Variants in KCNIP4 observed in about 807,000 individuals in gnomAD.
KCNIP4 encodes potassium voltage-gated channel interacting protein 4.
Under a neutral mutation model 34.0 loss-of-function variants are expected in KCNIP4, and 12 were observed. The observed-to-expected ratio is 0.35, with a 90% CI of 0.23 to 0.57. The LOEUF (loss-of-function observed/expected upper bound fraction) is 0.57, where lower values mean the gene tolerates loss of function less well. Among genes scored for constraint, KCNIP4 ranks in the 20% least tolerant of loss-of-function variants. The probability of loss-of-function intolerance (pLI) is 0.83; values close to 1 mark genes in which losing one functional copy is unlikely to be tolerated. For missense variants in KCNIP4, 238 were observed against 311.7 expected, an observed-to-expected ratio of 0.76 and a Z score of 1.78; for synonymous variants, 124 against 102.2, an observed-to-expected ratio of 1.21 and a Z score of -1.29.
At chr4:21,630,195 G>C (rs868299289) in intron 1 of KCNIP4, among the ~76,000 whole-genome samples, 1 of 151,470 alleles carries the variant, frequency 6.6e-6, no homozygotes, top group Non-Finnish European at 1.5e-5. Flanking sequence ...CCTTCAGCGC[G>C]GTGGCTCATG....
chr4:20,874,272 T>A (rs1723769934), intron 2 of KCNIP4, among the ~76,000 whole-genome samples: 2 of 152,198 alleles, frequency 1.3e-5, no homozygotes, highest in Non-Finnish European at 2.9e-5. Flanking sequence ...AATAGGCTAA[T>A]CCCAGAGTTA....
chr4:21,382,753 C>A (rs1721633146), intron 1 of KCNIP4, among the ~76,000 whole-genome samples: 2 of 152,084 alleles, frequency 1.3e-5, no homozygotes, highest in Non-Finnish European at 2.9e-5. Context: ...ATCCATGAAA[C>A]AAAATACCAG....
At chr4:21,409,582 A>G (rs1190013382) in intron 1 of KCNIP4, among the ~76,000 whole-genome samples, 1 of 152,216 alleles carries the variant, frequency 6.6e-6, no homozygotes, top group Non-Finnish European at 1.5e-5. Context: ...TAGAAATGTT[A>G]TATTGAAGAC....
chr4:20,973,693 C>G (rs1735203946), intron 1 of KCNIP4, among the ~76,000 whole-genome samples: 2 of 152,136 alleles, frequency 1.3e-5, no homozygotes, highest in African/African-American at 4.8e-5. Context: ...TATGACTCTT[C>G]CCTTTACTTG....
intron 1 of KCNIP4, among the ~76,000 whole-genome samples, chr4:21,050,964 A>G (rs1052862348): frequency 2.6e-5 from 4 of 152,224 alleles, no homozygotes; most frequent in African/African-American, 9.6e-5. Context: ...TTTCAAAAAA[A>G]TGGCTCTGGA....
chr4:21,680,078 G>C (rs1750221204), intron 1 of KCNIP4, among the ~76,000 whole-genome samples: 1 of 152,174 alleles, frequency 6.6e-6, no homozygotes, highest in Non-Finnish European at 1.5e-5. Flanking sequence ...ATCTGATGCT[G>C]TTTGATAACA....
chr4:20,917,694 T>C (rs1728984424), intron 1 of KCNIP4, among the ~76,000 whole-genome samples: 1 of 152,182 alleles, frequency 6.6e-6, no homozygotes, highest in African/African-American at 2.4e-5. Flanking sequence ...AGTAGGTTAC[T>C]CTTGAGAAAC....
rs140525240 is a variant in KCNIP4 at position 21,867,662 on chromosome 4, C to T, written c.61+80909G>A. ...TCCCATAGCACAAGCCACAACCAGG[C>T]CAAAACCTCTACATGGAAAAACGGT... On this transcript the variant is annotated intron_variant, in intron 1 of 8. Transcript: ENST00000382152. Among the ~76,000 whole-genome samples, 994 of 152,238 alleles carry T rather than the reference C, an allele frequency of 6.5e-3. 5 individuals carry two copies. The highest frequency in any genetic ancestry group is 0.017 in the Middle Eastern group (5 of 294).
chr4:21,897,706 C>T (rs181984302), intron 1 of KCNIP4, among the ~76,000 whole-genome samples: 15 of 152,236 alleles, frequency 9.9e-5, no homozygotes, highest in South Asian at 2.1e-4. Context: ...CAGAGAAAGA[C>T]GATCAACTAG....
At chr4:21,449,438 T>A (rs1728320655) in intron 1 of KCNIP4, among the ~76,000 whole-genome samples, 1 of 152,062 alleles carries the variant, frequency 6.6e-6, no homozygotes, top group South Asian at 2.1e-4. Flanking sequence ...CATTAGATAA[T>A]AAGATTTAGG....
intron 1 of KCNIP4, among the ~76,000 whole-genome samples, chr4:21,796,771 A>C (rs1232643008): frequency 2.6e-5 from 4 of 152,224 alleles, no homozygotes; most frequent in Admixed American, 2.6e-4. Flanking sequence ...TGTGACTATG[A>C]AACTGATGCA....
intron 1 of KCNIP4, among the ~76,000 whole-genome samples, chr4:21,209,754 A>C (rs773407532): frequency 1.1e-4 from 16 of 152,260 alleles, no homozygotes; most frequent in Middle Eastern, 3.4e-3. Flanking sequence ...TACAGTGTTG[A>C]GAATATAGTA....
intron 1 of KCNIP4, among the ~76,000 whole-genome samples, chr4:21,340,336 C>G (rs369366668): frequency 2.0e-4 from 30 of 152,122 alleles, no homozygotes; most frequent in African/African-American, 3.1e-4. Context: ...TTTTAAAAAC[C>G]TTGTCAGTAT....
chr4:21,655,907 C>T (rs1747885976), intron 1 of KCNIP4, among the ~76,000 whole-genome samples: 1 of 152,214 alleles, frequency 6.6e-6, no homozygotes, highest in Non-Finnish European at 1.5e-5. Context: ...TGCCACCTTA[C>T]TAGTGGGTAG....
chr4:21,311,412 T>A (rs1713153249), intron 1 of KCNIP4, among the ~76,000 whole-genome samples: 1 of 152,120 alleles, frequency 6.6e-6, no homozygotes, highest in African/African-American at 2.4e-5. Flanking sequence ...TTGTTCTTCT[T>A]AAAAATGATG....
intron 1 of KCNIP4, among the ~76,000 whole-genome samples, chr4:21,811,916 G>T (rs1373865615): frequency 6.6e-6 from 1 of 152,184 alleles, no homozygotes; most frequent in East Asian, 1.9e-4. Context: ...AGTTAATAGT[G>T]GAGGTTGCCT....
chr4:20,816,367 A>T (rs1330486972), intron 3 of KCNIP4, among the ~76,000 whole-genome samples: 4 of 152,100 alleles, frequency 2.6e-5, no homozygotes, highest in African/African-American at 9.7e-5. Context: ...TTAGGGAGAA[A>T]TTGTCTCTTC....
At chr4:21,400,578 C>CTCTTCTCTTCTCTTCTCTTT (rs1491290545) in intron 1 of KCNIP4, among the ~76,000 whole-genome samples, 1 of 78,902 alleles carries the variant, frequency 1.3e-5, no homozygotes, top group African/African-American at 3.8e-5. Flanking sequence ...CTCTTCTCTT[C>CTCTTCTCTTCTCTTCTCTTT]GTTCTTTCTT....
intron 3 of KCNIP4, among the ~76,000 whole-genome samples, chr4:20,768,837 A>C (rs1226970625): frequency 6.6e-6 from 1 of 152,192 alleles, no homozygotes; most frequent in Non-Finnish European, 1.5e-5. Context: ...AGATTAAAAA[A>C]AGAAACAGCC....
Sources: gnomAD v4.1 joint callset for allele counts (sites outside exome capture counted in the v4.1 genomes callset) on GRCh38, gnomAD v4.1.1 for gene constraint, MANE v1.5 for transcripts, NCBI Gene and HGNC (gene_info 2026-07-23, HGNC 2026-07-21) for gene names.